The following CDK14 variants were observed in gnomAD, a reference collection of about 807,000 sequenced individuals.
CDK14 encodes cyclin-dependent kinase 14.
Under a neutral mutation model 60.7 loss-of-function variants are expected in CDK14, and 34 were observed. The ratio of observed to expected loss-of-function variants is 0.56; its 90% CI spans 0.43 to 0.75. The LOEUF is 0.75. CDK14 is among the 30% of genes least tolerant of loss of function. The pLI is 0.00. For missense variants in CDK14, 482 were observed against 564.1 expected, an observed-to-expected ratio of 0.85 and a Z score of 1.47; for synonymous variants, 197 against 203.7, an observed-to-expected ratio of 0.97 and a Z score of 0.28.
At chr7:90,930,211 T>G (rs991941493) in intron 8 of CDK14, among the ~76,000 whole-genome samples, 2 of 152,068 alleles carry the variant, frequency 1.3e-5, no homozygotes, top group Non-Finnish European at 2.9e-5. Flanking sequence ...TATGCATAAA[T>G]GAAGGAGTAT....
chr7:90,634,257 G>A (rs1439032998), intron 2 of CDK14, among the ~76,000 whole-genome samples: 1 of 150,334 alleles, frequency 6.7e-6, no homozygotes, highest in East Asian at 2.0e-4. Context: ...TTAGCATTAG[G>A]TATATCTCCT....
intron 4 of CDK14, among the ~76,000 whole-genome samples, chr7:90,762,988 A>G (rs1804385129): frequency 6.6e-6 from 1 of 152,220 alleles, no homozygotes; most frequent in Non-Finnish European, 1.5e-5. Flanking sequence ...TAAAAAATTA[A>G]CATAGCTGCA....
In CDK14 at chr7:90,800,177, C is replaced by T. The variant is rs544421063; in HGVS notation, c.544+9525C>T. On this transcript the variant is annotated intron_variant, in intron 5 of 14. Transcript: ENST00000380050. Reference sequence around the variant, plus strand: ...TCCACCCTTCTTTATGTATTTTTTTCATTATTCATTCTATTAGAATTCTAT... The same window carrying T: ...TCCACCCTTCTTTATGTATTTTTTTTATTATTCATTCTATTAGAATTCTAT... Among the ~76,000 whole-genome samples the T allele has an allele frequency of 5.3e-5, 8 of 151,934 alleles. No individual in the cohort carries two copies. The South Asian group carries it at 1.7e-3, about 32-fold the overall frequency.
intron 6 of CDK14, among the ~76,000 whole-genome samples, chr7:90,866,774 A>C (rs1791207254): frequency 6.6e-6 from 1 of 152,208 alleles, no homozygotes; most frequent in Non-Finnish European, 1.5e-5. Flanking sequence ...TAATGAAATA[A>C]GTGGTAAAAA....
rs190676444 is a variant in CDK14, at chr7:90,737,811, T to C, written c.370-9870T>C. On this transcript the variant is annotated intron_variant, in intron 3 of 14. Transcript: ENST00000380050. The stretch of plus-strand genomic sequence containing the variant: ...TCACCCTCATACCCACTCTCACAAT[T>C]ACAGTATAATGTGCTGGAGAAGTGA... Among the ~76,000 whole-genome samples, 82 of 152,300 alleles carry C rather than the reference T, an allele frequency of 5.4e-4. 1 individual carries two copies. The highest frequency in any genetic ancestry group is 1.9e-3 in the African/African-American group (81 of 41,564).
intron 8 of CDK14, among the ~76,000 whole-genome samples, chr7:90,937,790 G>T (rs1793801137): frequency 6.6e-6 from 1 of 152,180 alleles, no homozygotes; most frequent in Non-Finnish European, 1.5e-5. Context: ...GCCAACCCCT[G>T]TTCTAGACCT....
chr7:90,974,260 C>G (rs1056161671), intron 9 of CDK14, among the ~76,000 whole-genome samples: 4 of 151,914 alleles, frequency 2.6e-5, no homozygotes, highest in African/African-American at 4.8e-5. Flanking sequence ...TGCTGTTATT[C>G]TGTTTTTTTT....
chr7:91,119,978 A>G (rs939792774), intron 14 of CDK14, among the ~76,000 whole-genome samples: 12 of 152,202 alleles, frequency 7.9e-5, no homozygotes, highest in African/African-American at 2.9e-4. Flanking sequence ...ACCTCCTGGT[A>G]TTGAGAATGG....
At chr7:90,918,415 C>G (rs1793147844) in intron 8 of CDK14, among the ~76,000 whole-genome samples, 1 of 152,192 alleles carries the variant, frequency 6.6e-6, no homozygotes, top group Non-Finnish European at 1.5e-5. Flanking sequence ...AGCATAGAAG[C>G]TTTCCTCCAA....
At chr7:91,058,865 C>CT (rs1432572975) in intron 11 of CDK14, among the ~76,000 whole-genome samples, 8 of 152,080 alleles carry the variant, frequency 5.3e-5, no homozygotes, top group African/African-American at 1.9e-4. Flanking sequence ...CTAAAATTCT[C>CT]TTTTTTTGTT....
intron 5 of CDK14, among the ~76,000 whole-genome samples, chr7:90,833,170 A>G (rs917133795): frequency 6.6e-6 from 1 of 152,200 alleles, no homozygotes; most frequent in Non-Finnish European, 1.5e-5. Context: ...TTCATGTTCT[A>G]TAAAGATGGG....
intron 2 of CDK14, among the ~76,000 whole-genome samples, chr7:90,612,462 T>C (rs954833949): frequency 2.2e-4 from 34 of 152,068 alleles, no homozygotes; most frequent in African/African-American, 8.2e-4. Context: ...AGATTCAATC[T>C]CACTCTCTCT....
intron 14 of CDK14, among the ~76,000 whole-genome samples, chr7:91,183,995 G>A (rs1802088482): frequency 6.6e-6 from 1 of 152,110 alleles, no homozygotes; most frequent in Non-Finnish European, 1.5e-5. Context: ...AGGAGTTCAA[G>A]ACTAGCCTGA....
intron 2 of CDK14, among the ~76,000 whole-genome samples, chr7:90,610,022 C>T (rs1029836517): frequency 2.6e-5 from 4 of 152,240 alleles, no homozygotes; most frequent in African/African-American, 9.6e-5. Context: ...TTAAATCCCA[C>T]TAACAATCTT....
intron 2 of CDK14, among the ~76,000 whole-genome samples, chr7:90,686,161 CAATT>C (rs1401071154): frequency 1.3e-5 from 2 of 152,104 alleles, no homozygotes; most frequent in Non-Finnish European, 2.9e-5. Flanking sequence ...ACATAGTTCT[CAATT>C]AACAAATATT....
chr7:91,041,560 T>C (rs1448863405), intron 10 of CDK14, among the ~76,000 whole-genome samples: 2 of 152,232 alleles, frequency 1.3e-5, no homozygotes, highest in African/African-American at 4.8e-5. Context: ...CATGACTCAC[T>C]ATGCACACAC....
intron 7 of CDK14, among the ~76,000 whole-genome samples, chr7:90,903,686 A>G (rs1792594912): frequency 1.3e-5 from 2 of 152,294 alleles, no homozygotes; most frequent in South Asian, 4.1e-4. Flanking sequence ...AATACATTGC[A>G]TATTTCAAAA....
At chr7:91,067,418 G>A (rs1231544955) in intron 11 of CDK14, among the ~76,000 whole-genome samples, 3 of 152,136 alleles carry the variant, frequency 2.0e-5, no homozygotes, top group Admixed American at 6.5e-5. Flanking sequence ...GCTAGCTTCC[G>A]GTGTTTGAGT....
intron 14 of CDK14, among the ~76,000 whole-genome samples, chr7:91,143,267 A>C (rs141418625): frequency 1.2e-4 from 18 of 152,316 alleles, no homozygotes; most frequent in Admixed American, 2.6e-4. Flanking sequence ...GTGAGTGGGT[A>C]CCTGTGTCCT....
Sources: allele counts gnomAD v4.1 joint callset (sites outside exome capture counted in the v4.1 genomes callset), GRCh38; gene constraint gnomAD v4.1.1; transcripts MANE v1.5; gene names NCBI Gene and HGNC (gene_info 2026-07-23, HGNC 2026-07-21).